The following FAM53A variants were observed in gnomAD, a reference collection of about 807,000 sequenced individuals.
FAM53A encodes protein FAM53A.
In FAM53A, 28 loss-of-function variants were observed where a neutral mutation model predicts 26.6. The observed-to-expected ratio is 1.05, with a 90% CI of 0.78 to 1.45. FAM53A has a LOEUF of 1.45. Ranked by LOEUF, FAM53A falls within the 40% of genes most tolerant of loss-of-function variation. FAM53A has a pLI of 0.00. For synonymous variants in FAM53A, 290 were observed against 253.1 expected (o/e 1.15, Z -1.38); for missense variants, 650 against 575.8 (o/e 1.13, Z -1.32).
intron 2 of FAM53A, among the ~76,000 whole-genome samples, chr4:1,658,956 C>T (rs1226172448): frequency 6.6e-6 from 1 of 152,258 alleles, no homozygotes; most frequent in Non-Finnish European, 1.5e-5. Flanking sequence ...CTCTGCCACA[C>T]CTCAGAACCT....
chr4:1,603,756 A>G, the FAM53A span, among the ~76,000 whole-genome samples: 1 of 152,232 alleles, frequency 6.6e-6, no homozygotes, highest in Non-Finnish European at 1.5e-5. Context: ...CCCCAAAGAA[A>G]GGGTTAAGCA....
intron 1 of FAM53A, among the ~76,000 whole-genome samples, chr4:1,627,248 C>T (rs764983028): frequency 3.3e-5 from 5 of 152,200 alleles, no homozygotes; most frequent in Non-Finnish European, 7.3e-5. Context: ...CGACCACTAC[C>T]ATTTGACCCC....
In FAM53A at chr4:1,655,680, T is replaced by C; in HGVS notation, c.180A>G (p.Arg60=). The stretch of plus-strand genomic sequence containing the variant: ...AATCAGGGCCCGTGGCTGCCTGGCT[T>C]CTGACGGGCGGTCCTCCACTGAAGA... ...WKVFSGGPPV[R]SQAATGPDFS... Residue 60 remains arginine (R), a synonymous_variant, in exon 4 of 5, where the codon AGA becomes AGG. Transcript: ENST00000308132. The C allele has an allele frequency of 1.3e-6, 2 of 1,594,082 alleles. No homozygotes were observed. The highest frequency in any genetic ancestry group is 2.2e-5 in the South Asian group (2 of 89,418).
intron 4 of FAM53A, among the ~76,000 whole-genome samples, chr4:1,645,807 A>G (rs1478865084): frequency 6.6e-6 from 1 of 152,056 alleles, no homozygotes; most frequent in Non-Finnish European, 1.5e-5. Context: ...CAAATTCCAG[A>G]TTTTCGGTCT....
intron 2 of FAM53A, among the ~76,000 whole-genome samples, chr4:1,665,502 A>G (rs1386313205): frequency 2.0e-5 from 3 of 151,734 alleles, no homozygotes; most frequent in Non-Finnish European, 4.4e-5. Flanking sequence ...AAAAAAAAAA[A>G]GTAAAAAGAC....
At chr4:1,584,375 T>G in the FAM53A span, among the ~76,000 whole-genome samples, 1 of 152,270 alleles carries the variant, frequency 6.6e-6, no homozygotes, top group African/African-American at 2.4e-5. Context: ...GAGGTAGGGA[T>G]CCTGCCTTCC....
chr4:1,676,406 A>G (rs1715046281), intron 1 of FAM53A, among the ~76,000 whole-genome samples: 1 of 152,208 alleles, frequency 6.6e-6, no homozygotes, highest in Admixed American at 6.5e-5. Context: ...TACATCTGCA[A>G]CAACCCTATT....
chr4:1,641,564 T>A lies in FAM53A; in HGVS notation c.926A>T (p.Asp309Val). ...SKSLCSLNYE[D>V]DDEDDTPVKT... ...CACTGGGGTGTCATCCTCATCGTCA[T>A]CTTCGTAATTGAGGGAGCAAAGGCT... is the stretch of plus-strand genomic sequence containing the variant. Residue 309 changes from aspartate (D) to valine (V), a missense_variant, in exon 5 of 5, where the codon GAT (aspartate) becomes GTT (valine). Transcript: ENST00000308132. 6.2e-7 allele frequency: 1 copy of A among 1,614,174 alleles called. No homozygotes were observed. The highest frequency in any genetic ancestry group is 8.5e-7 in the Non-Finnish European group (1 of 1,180,000).
chr4:1,650,460 C>T (rs1424733296), intron 4 of FAM53A, among the ~76,000 whole-genome samples: 2 of 151,840 alleles, frequency 1.3e-5, no homozygotes, highest in African/African-American at 4.8e-5. Context: ...GTGGCACAGG[C>T]GTGGTGGTTT....
rs1298225284 is a variant in FAM53A, at chr4:1,684,274, C to A, written c.-206G>T. The stretch of plus-strand genomic sequence containing the variant: ...GGGTGCGGAGCGAGAAGACTGCCGG[C>A]CGCCCAGGCCCCGCTCGCTCAGGGC... On this transcript the variant is annotated 5_prime_UTR_variant, in exon 1 of 5. Transcript: ENST00000308132. The A allele has an allele frequency of 6.6e-6, 1 of 151,128 alleles. No homozygotes were observed. The highest frequency in any genetic ancestry group is 1.9e-4 in the South Asian group (1 of 5,368). The allele number at this position is 151,128 out of a possible 1,614,324, so 9.4% of individuals were successfully genotyped here. A position where few individuals can be genotyped will look rare whatever the true frequency, so the allele number is the denominator to read the frequency against.
At chr4:1,623,390 C>G (rs28722656) in intron 1 of FAM53A, among the ~76,000 whole-genome samples, 37,065 of 151,580 alleles carry the variant, frequency 0.24, 8,803 homozygotes, top group African/African-American at 0.63. Flanking sequence ...AGCAGAGTTG[C>G]GTTTCCGGCC....
chr4:1,648,433 G>A (rs531046953), intron 4 of FAM53A, among the ~76,000 whole-genome samples: 1 of 152,260 alleles, frequency 6.6e-6, no homozygotes, highest in East Asian at 1.9e-4. Flanking sequence ...GCTGGAAAGA[G>A]GGAGAGCAGG....
chr4:1,598,409 G>A, the FAM53A span, among the ~76,000 whole-genome samples: 1 of 152,244 alleles, frequency 6.6e-6, no homozygotes, highest in African/African-American at 2.4e-5. Context: ...TTGAGGGGCT[G>A]CCTGGATCTG....
intron 1 of FAM53A, among the ~76,000 whole-genome samples, chr4:1,625,678 C>T (rs552839889): frequency 6.5e-4 from 92 of 141,436 alleles, no homozygotes; most frequent in Non-Finnish European, 5.1e-4. Context: ...GTCAGGGTCA[C>T]GCCAGGTGAT....
upstream of FAM53A, among the ~76,000 whole-genome samples, chr4:1,685,728 C>T (rs2109104145): frequency 6.6e-6 from 1 of 152,258 alleles, no homozygotes; most frequent in East Asian, 1.9e-4. Context: ...CCATTCTCTT[C>T]GCTGGGGTCC....
chr4:1,638,590 A>G (rs1429178030), downstream of FAM53A, among the ~76,000 whole-genome samples: 1 of 151,768 alleles, frequency 6.6e-6, no homozygotes, highest in Non-Finnish European at 1.5e-5. Context: ...GAGGTGAGAG[A>G]GGTGGGGAAG....
At chr4:1,592,582 G>A in the FAM53A span, among the ~76,000 whole-genome samples, 27 of 152,154 alleles carry the variant, frequency 1.8e-4, no homozygotes, top group Non-Finnish European at 3.2e-4. Flanking sequence ...CCGACACGCG[G>A]TTCTGCACCC....
At position 1,672,325 on chromosome 4, in the gene FAM53A, A is replaced by G. The variant is rs1007848840; in HGVS notation, c.-164-3420T>C. On this transcript the variant is annotated intron_variant, in intron 1 of 4. Transcript: ENST00000308132. ...GAACCCATGAACCCATGGACCCACA[A>G]ACCCAGGAACCCATAGACCCATGGA... Among the ~76,000 whole-genome samples the G allele has an allele frequency of 9.2e-5, 7 of 76,260 alleles. 1 individual carries two copies. The highest frequency in any genetic ancestry group is 1.3e-4 in the Non-Finnish European group (4 of 30,234). The allele number at this position is 76,260 out of a possible 152,430, so 50.0% of individuals were successfully genotyped here.
chr4:1,605,366 G>C, the FAM53A span, among the ~76,000 whole-genome samples: 1 of 152,216 alleles, frequency 6.6e-6, no homozygotes, highest in Admixed American at 6.5e-5. This position sits in a 1 kb window ranked among gnomAD's most constrained non-coding sequence, Gnocchi z 5.7. Flanking sequence ...AAGTGCTCAG[G>C]AGAACCCAGG....
Sources: gnomAD v4.1 joint callset for allele counts (sites outside exome capture counted in the v4.1 genomes callset) on GRCh38, gnomAD v4.1.1 for gene constraint, Gnocchi (gnomAD v3.1) non-coding constraint, MANE v1.5 for transcripts, NCBI Gene and HGNC (gene_info 2026-07-23, HGNC 2026-07-21) for gene names.